Variants in GALNT13 observed in about 807,000 individuals in gnomAD.
GALNT13 encodes the protein UDP-GalNAc:polypeptide N-acetylgalactosaminyltransferase 13.
In GALNT13, 28 loss-of-function variants were observed where a neutral mutation model predicts 64.2. That is an observed-to-expected ratio of 0.44 (90% CI 0.32 to 0.60). The LOEUF (loss-of-function observed/expected upper bound fraction) is 0.60. GALNT13 is among the 20% of genes least tolerant of loss of function. The pLI is 0.05. For synonymous variants in GALNT13, 214 were observed against 224.6 expected, an observed-to-expected ratio of 0.95 and a Z score of 0.42; for missense variants, 577 against 669.8, an observed-to-expected ratio of 0.86 and a Z score of 1.53.
the GALNT13 span, among the ~76,000 whole-genome samples, chr2:153,349,870 A>G: frequency 2.1e-4 from 32 of 152,328 alleles, no homozygotes; most frequent in African/African-American, 7.7e-4. Flanking sequence ...TCCAATTAAA[A>G]AAAAGAACTA....
the GALNT13 span, among the ~76,000 whole-genome samples, chr2:153,633,925 A>G: frequency 4.6e-5 from 7 of 152,298 alleles, no homozygotes; most frequent in South Asian, 1.2e-3. Context: ...TTTTCTTTTA[A>G]TAATTTCCGA....
intron 11 of GALNT13, 136 bp from the exon 12 acceptor site, chr2:154,438,456 G>A: frequency 1.8e-6 from 1 of 568,838 alleles, no homozygotes; most frequent in Non-Finnish European, 3.0e-6. Flanking sequence ...AGATGAATTA[G>A]CTTTCTCAAG....
At chr2:154,154,464 A>G (rs1418927589) in intron 4 of GALNT13, among the ~76,000 whole-genome samples, 2 of 152,194 alleles carry the variant, frequency 1.3e-5, no homozygotes, top group Non-Finnish European at 2.9e-5. Flanking sequence ...AGATTTTAGA[A>G]CAAAAACATG....
intron 9 of GALNT13, among the ~76,000 whole-genome samples, chr2:154,356,254 A>G (rs1468753561): frequency 2.6e-5 from 4 of 152,000 alleles, no homozygotes; most frequent in African/African-American, 9.7e-5. Context: ...CTCTTTTTAA[A>G]AAAACTGTTG....
the GALNT13 span, among the ~76,000 whole-genome samples, chr2:153,572,523 C>T: frequency 4.0e-5 from 6 of 151,606 alleles, no homozygotes; most frequent in East Asian, 1.9e-4. Context: ...TTCTTTAAGG[C>T]GTATCATTAG....
At chr2:153,912,235 G>GT (rs373843501) in intron 2 of GALNT13, among the ~76,000 whole-genome samples, 3 of 151,734 alleles carry the variant, frequency 2.0e-5, no homozygotes, top group African/African-American at 7.3e-5. Context: ...TTCTTGTAGT[G>GT]TTTTTTTCAG....
the GALNT13 span, among the ~76,000 whole-genome samples, chr2:153,200,493 T>C: frequency 1.3e-5 from 2 of 152,166 alleles, no homozygotes; most frequent in Admixed American, 6.5e-5. Context: ...GGGGCAGAAA[T>C]GGCACATTAG....
the GALNT13 span, among the ~76,000 whole-genome samples, chr2:153,443,422 T>A: frequency 2.8e-3 from 425 of 152,312 alleles, 2 homozygotes; most frequent in Non-Finnish European, 3.0e-3. Context: ...GTACCTCAGT[T>A]GGAAATGCAG....
At chr2:153,080,240 CT>C in the GALNT13 span, among the ~76,000 whole-genome samples, 10 of 151,174 alleles carry the variant, frequency 6.6e-5, no homozygotes, top group African/African-American at 2.4e-4. Flanking sequence ...ACCCCTTTTT[CT>C]TTTTGGGGTG....
chr2:154,120,512 T>A (rs1007861428), intron 3 of GALNT13, among the ~76,000 whole-genome samples: 3 of 152,170 alleles, frequency 2.0e-5, no homozygotes, highest in Non-Finnish European at 4.4e-5. Context: ...CTGTTTGACT[T>A]TCCAGGTCAA....
the GALNT13 span, among the ~76,000 whole-genome samples, chr2:153,858,754 A>T: frequency 6.6e-6 from 1 of 151,852 alleles, no homozygotes; most frequent in African/African-American, 2.4e-5. Flanking sequence ...ATTTTTTGAG[A>T]CACAGCCTCG....
the GALNT13 span, among the ~76,000 whole-genome samples, chr2:153,079,508 G>T: frequency 6.6e-6 from 1 of 152,026 alleles, no homozygotes; most frequent in East Asian, 1.9e-4. Flanking sequence ...GTATCTGATT[G>T]GTTTAATTTC....
chr2:153,201,977 T>C, the GALNT13 span, among the ~76,000 whole-genome samples: 24,025 of 130,982 alleles, frequency 0.18, 2,141 homozygotes, highest in African/African-American at 0.21. Context: ...CCATTTCTTT[T>C]TTTTTTTTTT....
At chr2:153,343,794 C>A in the GALNT13 span, among the ~76,000 whole-genome samples, 1 of 152,066 alleles carries the variant, frequency 6.6e-6, no homozygotes, top group Non-Finnish European at 1.5e-5. Context: ...TTGTCCACCC[C>A]TCCCAATAAG....
chr2:153,728,158 G>T, the GALNT13 span, among the ~76,000 whole-genome samples: 1 of 152,038 alleles, frequency 6.6e-6, no homozygotes, highest in Admixed American at 6.6e-5. Context: ...TGGCCATTTG[G>T]GTTGGTTCTA....
intron 4 of GALNT13, among the ~76,000 whole-genome samples, chr2:154,176,088 T>C (rs1188191170): frequency 1.3e-5 from 2 of 152,048 alleles, no homozygotes; most frequent in African/African-American, 4.8e-5. Context: ...CATTAGACTA[T>C]GCTACATAGA....
chr2:153,529,093 T>C, the GALNT13 span, among the ~76,000 whole-genome samples: 1 of 151,620 alleles, frequency 6.6e-6, no homozygotes, highest in Non-Finnish European at 1.5e-5. Context: ...ATAAATGAAA[T>C]TGAAATGAAG....
the GALNT13 span, among the ~76,000 whole-genome samples, chr2:153,227,356 G>T: frequency 6.6e-6 from 1 of 152,154 alleles, no homozygotes; most frequent in Non-Finnish European, 1.5e-5. Context: ...AGAAAGAGGG[G>T]CAAGGAAGTC....
the GALNT13 span, among the ~76,000 whole-genome samples, chr2:153,566,026 A>G: frequency 1.3e-5 from 2 of 152,186 alleles, no homozygotes; most frequent in Non-Finnish European, 2.9e-5. Context: ...TAGTTATGTA[A>G]TATCAAATGT....
Sources: gnomAD v4.1 joint callset for allele counts (sites outside exome capture counted in the v4.1 genomes callset) on GRCh38, gnomAD v4.1.1 for gene constraint, MANE v1.5 for transcripts, NCBI Gene and HGNC (gene_info 2026-07-23, HGNC 2026-07-21) for gene names.